CHRM3: variants seen among roughly 807,000 people sequenced by gnomAD.
CHRM3 encodes muscarinic acetylcholine receptor M3.
CHRM3 carries 11 observed loss-of-function variants against 41.8 expected under a neutral mutation model. The observed-to-expected ratio is 0.26, with a 90% confidence interval of 0.17 to 0.44. The LOEUF is 0.44. Ranked by LOEUF, CHRM3 falls within the 20% of genes least tolerant of loss-of-function variation. The probability of loss-of-function intolerance (pLI) is 1.00; values close to 1 mark genes in which losing one functional copy is unlikely to be tolerated. For synonymous variants in CHRM3, 297 were observed against 301.4 expected (o/e 0.99, Z 0.15); for missense variants, 571 against 745.4 (o/e 0.77, Z 2.72).
At chr1:239,668,141 C>G (rs1264189379) in intron 4 of CHRM3, among the ~76,000 whole-genome samples, 1 of 132,232 alleles carries the variant, frequency 7.6e-6, no homozygotes, top group Non-Finnish European at 1.5e-5. Flanking sequence ...CTCTGTTGCC[C>G]AGGCTGGAGT....
chr1:239,645,521 T>C (rs1470766063), intron 4 of CHRM3, among the ~76,000 whole-genome samples: 1 of 151,702 alleles, frequency 6.6e-6, no homozygotes, highest in African/African-American at 2.4e-5. Context: ...GAAAAGAAAA[T>C]CCAAATCAGG....
At chr1:239,848,123 T>C (rs1389681074) in intron 6 of CHRM3, among the ~76,000 whole-genome samples, 1 of 152,144 alleles carries the variant, frequency 6.6e-6, no homozygotes, top group Admixed American at 6.5e-5. Flanking sequence ...AATAGATATA[T>C]CCATTCATCC....
chr1:239,410,625 C>T (rs1240580828), intron 1 of CHRM3, among the ~76,000 whole-genome samples: 2 of 152,248 alleles, frequency 1.3e-5, no homozygotes, highest in South Asian at 2.1e-4. Context: ...TTTTACCTCC[C>T]GTATGGATTC....
At chr1:239,868,983 G>A (rs1340785516) in intron 6 of CHRM3, among the ~76,000 whole-genome samples, 1 of 152,142 alleles carries the variant, frequency 6.6e-6, no homozygotes, top group African/African-American at 2.4e-5. Context: ...GGAGAGCCTG[G>A]GGTGGGGATT....
At position 239,396,439 on chromosome 1, in the gene CHRM3, AT is replaced by A. The variant is rs142532398; in HGVS notation, c.-521+9213del. 5.7e-3 allele frequency among the ~76,000 whole-genome samples: 865 copies of A among 152,088 alleles called. 3 individuals are homozygous for A. Among genetic ancestry groups the A allele is most frequent in the Non-Finnish European group, 0.011 (723 of 67,990 alleles). ...CAACCTGGGCAACTTAGCAAAAAAA[AT>A]CTCTACAAAAATTATTAAAAATCAG... On this transcript the variant is annotated intron_variant, in intron 1 of 6. Coordinates refer to ENST00000676153, the MANE Select transcript of CHRM3 (RefSeq NM_001375978.1).
At chr1:239,891,093 C>T (rs1212251353) in intron 6 of CHRM3, among the ~76,000 whole-genome samples, 2 of 152,110 alleles carry the variant, frequency 1.3e-5, no homozygotes, top group African/African-American at 4.8e-5. Flanking sequence ...TACTTACTGC[C>T]TGTATATGCA....
At chr1:239,583,718 C>T (rs1307180992) in intron 3 of CHRM3, among the ~76,000 whole-genome samples, 1 of 152,158 alleles carries the variant, frequency 6.6e-6, no homozygotes, top group African/African-American at 2.4e-5. Flanking sequence ...TTCATGACAG[C>T]AGAAAGTCAT....
At chr1:239,613,449 T>A (rs1036345900) in intron 3 of CHRM3, among the ~76,000 whole-genome samples, 1 of 152,128 alleles carries the variant, frequency 6.6e-6, no homozygotes, top group Admixed American at 6.5e-5. Flanking sequence ...TATAGAAAAA[T>A]GATGCTCACA....
intron 1 of CHRM3, among the ~76,000 whole-genome samples, chr1:239,408,063 G>A (rs1660749187): frequency 6.6e-6 from 1 of 152,106 alleles, no homozygotes; most frequent in Admixed American, 6.5e-5. Context: ...CATGTGTGGT[G>A]AGAGGGACCT....
In CHRM3 at chr1:239,665,986, A is replaced by G. The variant is rs558261563; in HGVS notation, c.-249-12200A>G. Among the ~76,000 whole-genome samples the G allele has an allele frequency of 2.4e-4, 37 of 152,240 alleles. No individual in the cohort carries two copies. The South Asian group carries it at 7.5e-3, about 31-fold the overall frequency. On this transcript the variant is annotated intron_variant, in intron 4 of 6. Transcript: ENST00000676153. ...AGTGCTGCAATAAACATACATGTGC[A>G]TGTGTCTTTATAGTAGAATGATTTA... is the stretch of plus-strand genomic sequence containing the variant.
At chr1:239,790,260 G>A (rs1163651989) in intron 5 of CHRM3, among the ~76,000 whole-genome samples, 1 of 152,162 alleles carries the variant, frequency 6.6e-6, no homozygotes, top group Non-Finnish European at 1.5e-5. Context: ...TTTAAAATGT[G>A]AGGACATGAG....
chr1:239,495,018 T>C (rs1667791608), intron 2 of CHRM3, among the ~76,000 whole-genome samples: 1 of 152,168 alleles, frequency 6.6e-6, no homozygotes, highest in Non-Finnish European at 1.5e-5. Context: ...CATCCTTGTA[T>C]TGAAGAATTC....
At chr1:239,477,473 T>TTA (rs1171463888) in intron 1 of CHRM3, among the ~76,000 whole-genome samples, 18 of 152,190 alleles carry the variant, frequency 1.2e-4, no homozygotes, top group African/African-American at 4.3e-4. Flanking sequence ...TAGAAATGTA[T>TTA]TAAGAGTCCC....
intron 2 of CHRM3, among the ~76,000 whole-genome samples, chr1:239,496,811 T>C (rs941389821): frequency 1.3e-5 from 2 of 152,084 alleles, no homozygotes; most frequent in Non-Finnish European, 2.9e-5. Flanking sequence ...TGTTCTCTGC[T>C]GAGGAGAGCT....
At chr1:239,791,440 T>C (rs1669344646) in intron 5 of CHRM3, among the ~76,000 whole-genome samples, 1 of 152,172 alleles carries the variant, frequency 6.6e-6, no homozygotes, top group African/African-American at 2.4e-5. Context: ...TGTTGAGCAA[T>C]TTCAGTAATA....
chr1:239,392,101 A>T (rs1486645746), intron 1 of CHRM3, among the ~76,000 whole-genome samples: 3 of 152,230 alleles, frequency 2.0e-5, no homozygotes, highest in Non-Finnish European at 4.4e-5. Context: ...TGACCTTGGC[A>T]GTCAGCCTCG....
At chr1:239,684,593 G>C (rs1658892242) in intron 5 of CHRM3, among the ~76,000 whole-genome samples, 2 of 151,284 alleles carry the variant, frequency 1.3e-5, no homozygotes, top group African/African-American at 4.9e-5. Context: ...AGAGGTTGCA[G>C]TGAGCTGAGA....
At chr1:239,899,050 A>G (rs1679255155) in intron 6 of CHRM3, among the ~76,000 whole-genome samples, 1 of 152,098 alleles carries the variant, frequency 6.6e-6, no homozygotes, top group African/African-American at 2.4e-5. Flanking sequence ...CAAAATATCC[A>G]CTGCAGTGGC....
At chr1:239,651,087 G>GATGA (rs1672202780) in intron 4 of CHRM3, among the ~76,000 whole-genome samples, 1 of 152,136 alleles carries the variant, frequency 6.6e-6, no homozygotes, top group Non-Finnish European at 1.5e-5. Context: ...AACAATAATG[G>GATGA]ATGAATGAAT....
Sources: gnomAD v4.1 joint callset for allele counts (sites outside exome capture counted in the v4.1 genomes callset) on GRCh38, gnomAD v4.1.1 for gene constraint, MANE v1.5 for transcripts, NCBI Gene and HGNC (gene_info 2026-07-23, HGNC 2026-07-21) for gene names.